TAF2: variants seen among roughly 807,000 people sequenced by gnomAD.
TAF2 encodes TATA-box binding protein associated factor 2.
In TAF2, 61 loss-of-function variants were observed where a neutral mutation model predicts 138.5. The ratio of observed to expected loss-of-function variants is 0.44; its 90% CI spans 0.36 to 0.54. TAF2 has a LOEUF of 0.54. TAF2 is among the 20% of genes least tolerant of loss of function. The pLI is 0.00. For synonymous variants in TAF2, 475 were observed against 469.9 expected (o/e 1.01, Z -0.14); for missense variants, 1,090 against 1,427.9 (o/e 0.76, Z 3.81).
At chr8:119,758,764 A>T (rs1371602286) in intron 20 of TAF2, among the ~76,000 whole-genome samples, 1 of 152,092 alleles carries the variant, frequency 6.6e-6, no homozygotes, top group Non-Finnish European at 1.5e-5. Context: ...AATACTTTTC[A>T]TTTCTTCCAT....
chr8:119,831,885 G>C (rs1170206325), intron 1 of TAF2, among the ~76,000 whole-genome samples, 154 bp from the exon 2 acceptor site: 1 of 152,140 alleles, frequency 6.6e-6, no homozygotes, highest in African/African-American at 2.4e-5. Flanking sequence ...TTGGGGCCTG[G>C]TGCGGTGGCT....
intron 25 of TAF2, among the ~76,000 whole-genome samples, chr8:119,742,232 T>C (rs1481641875): frequency 1.3e-5 from 2 of 152,224 alleles, no homozygotes; most frequent in Admixed American, 6.5e-5. Context: ...AAATGTTCAT[T>C]ATAATTAAAT....
At chr8:119,796,916 G>C in intron 8 of TAF2, 74 bp downstream of exon 8, 1 of 1,069,430 alleles carries the variant, frequency 9.4e-7, no homozygotes, top group African/African-American at 1.6e-5. Flanking sequence ...GCAAAGGTCA[G>C]CTTAAATGCA....
At chr8:119,764,133 C>G (rs2131069244) in intron 18 of TAF2, among the ~76,000 whole-genome samples, 1 of 151,626 alleles carries the variant, frequency 6.6e-6, no homozygotes, top group Non-Finnish European at 1.5e-5. Flanking sequence ...GTGAGAGAGC[C>G]AGACTCCATC....
At chr8:119,806,942 CTAT>C (rs1824700683) in intron 3 of TAF2, among the ~76,000 whole-genome samples, 1 of 152,168 alleles carries the variant, frequency 6.6e-6, no homozygotes, top group Non-Finnish European at 1.5e-5. Flanking sequence ...AGTTACATGA[CTAT>C]TATTATGACT....
intron 24 of TAF2, among the ~76,000 whole-genome samples, chr8:119,743,483 T>G (rs751167924): frequency 6.6e-6 from 1 of 152,166 alleles, no homozygotes; most frequent in East Asian, 1.9e-4. Context: ...ATGTACATGT[T>G]AACTTTGGTG....
intron 8 of TAF2, 85 bp from the exon 9 acceptor site, chr8:119,795,716 T>A (rs111456326): frequency 2.5e-6 from 3 of 1,206,114 alleles, no homozygotes; most frequent in Non-Finnish European, 3.7e-6. Context: ...ATAAGTGTAG[T>A]GTGTATTTCC....
Position 119,797,610 on chromosome 8 carries a change from T to C in TAF2, c.977+52A>G, listed in dbSNP as rs1823921938. 4 of 1,556,034 alleles carry C rather than the reference T, an allele frequency of 2.6e-6. No individual in the cohort carries two copies. The South Asian group carries it at 4.5e-5, about 17-fold the overall frequency. ...AATTGACCGCAAAATCAGTAAATTT[T>C]CTTCATATCATGATCTTAATTTAGG... is the stretch of plus-strand genomic sequence containing the variant. On this transcript the variant is annotated intron_variant, in intron 7 of 25. Transcript: ENST00000378164.
intron 3 of TAF2, among the ~76,000 whole-genome samples, chr8:119,810,262 C>T (rs931319079): frequency 1.3e-5 from 2 of 152,090 alleles, no homozygotes; most frequent in Non-Finnish European, 2.9e-5. Flanking sequence ...AGAATGCTAC[C>T]TTTTGAGACT....
intron 18 of TAF2, chr8:119,762,917 T>TAAA: frequency 5.4e-6 from 1 of 186,490 alleles, no homozygotes; most frequent in Non-Finnish European, 1.1e-5. Context: ...AGGAAGCCAC[T>TAAA]AAAAAAAAAA....
At chr8:119,778,736 G>C (rs1822434415) in intron 17 of TAF2, among the ~76,000 whole-genome samples, 1 of 152,194 alleles carries the variant, frequency 6.6e-6, no homozygotes, top group Non-Finnish European at 1.5e-5. Flanking sequence ...TAAATTATCT[G>C]AAATGCAGCC....
At position 119,793,423 on chromosome 8, in the gene TAF2, A is replaced by G. The variant is rs762253354; in HGVS notation, c.1220T>C (p.Leu407Pro). Residue 407 changes from leucine to proline, a missense_variant, in exon 10 of 26, where the codon CTA (leucine) becomes CCA (proline). Coordinates refer to ENST00000378164, the MANE Select transcript of TAF2 (RefSeq NM_003184.4). Reference protein sequence around the residue: ...EELDKIVAYELKTGGVLLHPI... With the variant: ...EELDKIVAYEPKTGGVLLHPI... ...ATGTAGTAAAACCCCACCAGTTTTT[A>G]GTTCATATGCCACTATTTTGTCTAG... 1 of 1,613,042 alleles carries G rather than the reference A, an allele frequency of 6.2e-7. No individual in the cohort carries two copies. The highest frequency in any genetic ancestry group is 1.1e-5 in the South Asian group (1 of 91,046).
At chr8:119,817,133 C>G (rs1825530172) in intron 3 of TAF2, among the ~76,000 whole-genome samples, 2 of 152,176 alleles carry the variant, frequency 1.3e-5, no homozygotes, top group African/African-American at 4.8e-5. Context: ...GAATGAAAAA[C>G]TTTAAATACA....
At chr8:119,785,049 T>TA (rs1052661308) in intron 15 of TAF2, 152 bp downstream of exon 15, 8 of 616,224 alleles carry the variant, frequency 1.3e-5, no homozygotes, top group Non-Finnish European at 2.0e-5. Flanking sequence ...TGATTTTACA[T>TA]AAACTGTTTT....
At chr8:119,779,249 GACACACACACACACACAC>G in intron 17 of TAF2, among the ~76,000 whole-genome samples, 1 of 147,378 alleles carries the variant, frequency 6.8e-6, no homozygotes, top group East Asian at 2.0e-4. Flanking sequence ...CACAACCTAA[GACACACACACACACACAC>G]ACACACACAC....
At chr8:119,739,201 T>G (rs1005083059) in intron 25 of TAF2, among the ~76,000 whole-genome samples, 1 of 152,096 alleles carries the variant, frequency 6.6e-6, no homozygotes, top group Non-Finnish European at 1.5e-5. Context: ...TCTCCAGCAC[T>G]GCAATCCCTA....
At chr8:119,766,844 C>CA (rs780184803) in intron 18 of TAF2, among the ~76,000 whole-genome samples, 92 of 151,648 alleles carry the variant, frequency 6.1e-4, no homozygotes, top group Admixed American at 1.9e-3. Context: ...AAAAAAATAA[C>CA]AAAAAAAAGT....
intron 3 of TAF2, among the ~76,000 whole-genome samples, chr8:119,818,732 CCACACACACA>C (rs199991010): frequency 1.0e-3 from 115 of 110,896 alleles, no homozygotes; most frequent in African/African-American, 4.7e-3. Context: ...AAAATGAAGT[CCACACACACA>C]CACACACACA....
chr8:119,752,182 T>G (rs1320796483), intron 22 of TAF2, among the ~76,000 whole-genome samples: 2 of 152,164 alleles, frequency 1.3e-5, no homozygotes, highest in African/African-American at 4.8e-5. Flanking sequence ...TCTTAAAATT[T>G]TTAAGCTTTA....
Sources: allele counts gnomAD v4.1 joint callset (sites outside exome capture counted in the v4.1 genomes callset), GRCh38; gene constraint gnomAD v4.1.1; transcripts MANE v1.5; gene names NCBI Gene and HGNC (gene_info 2026-07-23, HGNC 2026-07-21).